The following ZRANB1 variants were observed in gnomAD, a reference collection of about 807,000 sequenced individuals.
The protein encoded by ZRANB1 is ubiquitin thioesterase ZRANB1.
A neutral mutation model predicts 80.5 loss-of-function variants in ZRANB1; 16 were observed. That is an observed-to-expected ratio of 0.20 (90% CI 0.13 to 0.30). ZRANB1 has a LOEUF of 0.30. Ranked by LOEUF, ZRANB1 falls within the 10% of genes least tolerant of loss-of-function variation. The pLI, the probability that ZRANB1 is intolerant of heterozygous loss-of-function variation, is 1.00. For missense variants in ZRANB1, 576 were observed against 862.6 expected, an observed-to-expected ratio of 0.67 and a Z score of 4.16; for synonymous variants, 291 against 293.1, an observed-to-expected ratio of 0.99 and a Z score of 0.07.
chr10:124,964,614 A>G (rs1202646282), intron 1 of ZRANB1, among the ~76,000 whole-genome samples: 1 of 152,268 alleles, frequency 6.6e-6, no homozygotes, highest in Non-Finnish European at 1.5e-5. Context: ...CATAAATTGT[A>G]CAGATCTTCC....
At chr10:124,933,369 C>A in the ZRANB1 span, among the ~76,000 whole-genome samples, 1 of 152,004 alleles carries the variant, frequency 6.6e-6, no homozygotes, top group Non-Finnish European at 1.5e-5. Flanking sequence ...AAACTCCTGA[C>A]CTCGTGATCC....
intron 1 of ZRANB1, among the ~76,000 whole-genome samples, chr10:124,944,315 T>C (rs1218648779): frequency 1.3e-5 from 2 of 152,222 alleles, no homozygotes; most frequent in Non-Finnish European, 2.9e-5. Flanking sequence ...GAACAATAGC[T>C]AAGCTTTAAC....
intron 1 of ZRANB1, among the ~76,000 whole-genome samples, chr10:124,951,087 C>A (rs1951635186): frequency 6.6e-6 from 1 of 151,504 alleles, no homozygotes; most frequent in Admixed American, 6.6e-5. Context: ...TTAAAATATT[C>A]TTTTCAATTT....
intron 2 of ZRANB1, among the ~76,000 whole-genome samples, chr10:124,970,667 G>A (rs1951816114): frequency 6.6e-6 from 1 of 152,074 alleles, no homozygotes; most frequent in African/African-American, 2.4e-5. Flanking sequence ...ATATGATGTA[G>A]ATAACATTAT....
At chr10:124,952,802 GT>G (rs1404482701) in intron 1 of ZRANB1, among the ~76,000 whole-genome samples, 1 of 152,104 alleles carries the variant, frequency 6.6e-6, no homozygotes, top group East Asian at 1.9e-4. Flanking sequence ...GTAGAGACGG[GT>G]TTCACCATGT....
chr10:124,919,918 C>T, the ZRANB1 span, among the ~76,000 whole-genome samples: 391 of 125,030 alleles, frequency 3.1e-3, 3 homozygotes, highest in Non-Finnish European at 4.8e-3. Context: ...GCCCCCCCCC[C>T]CCCTTTTTTT....
the ZRANB1 span, among the ~76,000 whole-genome samples, chr10:124,919,908 G>GGCCCCCCCCCC: frequency 1.8e-5 from 1 of 56,682 alleles, no homozygotes; most frequent in African/African-American, 8.5e-5. Context: ...ACCGCGCCCG[G>GGCCCCCCCCCC]CCCCCCCCCC....
intron 5 of ZRANB1, chr10:124,981,273 C>T (rs1951930037): frequency 6.6e-6 from 1 of 152,296 alleles, no homozygotes; most frequent in African/African-American, 2.4e-5. Flanking sequence ...GGGAGATGAT[C>T]TTGATACTAT....
the ZRANB1 span, among the ~76,000 whole-genome samples, chr10:124,936,446 G>T: frequency 3.6e-3 from 546 of 152,284 alleles, 3 homozygotes; most frequent in Non-Finnish European, 6.2e-3. Context: ...TATTAATAGT[G>T]TCATTAATGG....
At chr10:124,964,947 A>G (rs1321335201) in intron 1 of ZRANB1, among the ~76,000 whole-genome samples, 1 of 152,252 alleles carries the variant, frequency 6.6e-6, no homozygotes, top group African/African-American at 2.4e-5. Flanking sequence ...TTAATTGTTC[A>G]TTAAATAATT....
the ZRANB1 span, among the ~76,000 whole-genome samples, chr10:124,920,890 G>A: frequency 1.3e-5 from 2 of 152,026 alleles, no homozygotes; most frequent in East Asian, 3.9e-4. Flanking sequence ...ATTCAGCACT[G>A]AAAATATGAA....
At chr10:124,969,411 G>C (rs897461583) in intron 2 of ZRANB1, among the ~76,000 whole-genome samples, 8 of 152,256 alleles carry the variant, frequency 5.3e-5, no homozygotes, top group African/African-American at 9.6e-5. Flanking sequence ...GACTGGAAGT[G>C]GGGGAGTCTG....
chr10:124,940,013 T>C (rs751583064), upstream of ZRANB1, among the ~76,000 whole-genome samples: 1 of 152,216 alleles, frequency 6.6e-6, no homozygotes, highest in South Asian at 2.1e-4. Context: ...TAGCTAAATA[T>C]AAGCAATTAT....
Position 124,942,688 on chromosome 10 carries a change from G to C in ZRANB1, c.195G>C (p.Leu65Phe). Residue 65 changes from leucine (L) to phenylalanine (F), a missense_variant, in exon 1 of 9, where the codon TTG becomes TTC. Transcript: ENST00000359653. The stretch of plus-strand genomic sequence containing the variant: ...GCACCGAAGGAGGAAGTAGTCCTTT[G>C]ATATGTCCAGACTCTAGTGCAAGAC... ...PSSTEGGSSP[L>F]ICPDSSARPR... is the part of the protein sequence containing the mutation. 1 of 1,614,240 alleles carries C rather than the reference G, an allele frequency of 6.2e-7. No homozygotes were observed. Among genetic ancestry groups the C allele is most frequent in the Non-Finnish European group, 8.5e-7 (1 of 1,180,030 alleles).
rs867231636 is a variant in ZRANB1 at position 124,985,962 on chromosome 10, G to C, written c.*970G>C. On this transcript the variant is annotated 3_prime_UTR_variant, in exon 9 of 9. Transcript: ENST00000359653. The stretch of plus-strand genomic sequence containing the variant: ...GCATGCCTTTGCTTAGGCAGATTGG[G>C]AATACCAATTCACTACAGAATAAAG... The C allele has an allele frequency of 7.9e-4, 121 of 152,292 alleles. No individual in the cohort carries two copies. The highest frequency in any genetic ancestry group is 2.8e-3 in the African/African-American group (118 of 41,556). 9.4% of individuals were successfully genotyped at this position (152,292 alleles called of 1,614,324 possible).
At chr10:124,962,701 C>T (rs994548326) in intron 1 of ZRANB1, among the ~76,000 whole-genome samples, 4 of 151,806 alleles carry the variant, frequency 2.6e-5, no homozygotes, top group Admixed American at 6.6e-5. Flanking sequence ...TTTTTTTTAA[C>T]GGTTTAGCTA....
the ZRANB1 span, among the ~76,000 whole-genome samples, chr10:124,922,336 A>ATATATTT: frequency 6.2e-3 from 276 of 44,418 alleles, no homozygotes; most frequent in Admixed American, 0.012. Flanking sequence ...GTATATATAT[A>ATATATTT]TTTTTTTTTT....
At chr10:124,931,965 T>C in the ZRANB1 span, among the ~76,000 whole-genome samples, 3 of 152,232 alleles carry the variant, frequency 2.0e-5, no homozygotes, top group African/African-American at 7.2e-5. Context: ...CTCTGTGCTC[T>C]TCCTATTCAT....
chr10:124,920,335 G>A, the ZRANB1 span, among the ~76,000 whole-genome samples: 2 of 152,132 alleles, frequency 1.3e-5, no homozygotes, highest in Admixed American at 1.3e-4. Flanking sequence ...TTTGGTATTC[G>A]ATTTGGAATA....
Sources: allele counts gnomAD v4.1 joint callset (sites outside exome capture counted in the v4.1 genomes callset), GRCh38; gene constraint gnomAD v4.1.1; transcripts MANE v1.5; gene names NCBI Gene and HGNC (gene_info 2026-07-23, HGNC 2026-07-21).